Variants in PUM2 observed in about 807,000 individuals in gnomAD.
PUM2 encodes pumilio RNA binding family member 2, also known as pumilio homolog 2.
PUM2 carries 57 observed loss-of-function variants against 124.5 expected under a neutral mutation model. That is an observed-to-expected ratio of 0.46 (90% CI 0.37 to 0.57). The LOEUF (loss-of-function observed/expected upper bound fraction) is 0.57. Ranked by LOEUF, PUM2 falls within the 20% of genes least tolerant of loss-of-function variation. The pLI is 0.00. For missense variants in PUM2, 1,065 were observed against 1,290.6 expected, an observed-to-expected ratio of 0.83 and a Z score of 2.68; for synonymous variants, 460 against 446.1, an observed-to-expected ratio of 1.03 and a Z score of -0.39.
At chr2:20,331,684 T>C (rs1684955630) in intron 1 of PUM2, 2 of 152,146 alleles carry the variant, frequency 1.3e-5, no homozygotes, top group African/African-American at 4.8e-5. Context: ...CATGAATTTT[T>C]CTCAAGAGTC....
At chr2:20,258,147 G>T in intron 16 of PUM2, 96 bp downstream of exon 16, 1 of 1,154,158 alleles carries the variant, frequency 8.7e-7, no homozygotes, top group Non-Finnish European at 1.2e-6. Context: ...AAATATTTAA[G>T]TCTTTTCACT....
Position 20,251,426 on chromosome 2 carries a change from A to G in PUM2, c.*159T>C. The G allele has an allele frequency of 1.1e-6, 1 of 913,780 alleles. No individual in the cohort carries two copies. Among genetic ancestry groups the G allele is most frequent in the Non-Finnish European group, 1.6e-6 (1 of 632,760 alleles). 56.6% of individuals were successfully genotyped at this position (913,780 alleles called of 1,614,324 possible). A position where few individuals can be genotyped will look rare whatever the true frequency, so the allele number is the denominator to read the frequency against. ...ATCCCCCACCCCCCAAATATACACA[A>G]GAACCTTAAAAAATTTACAAATGGA... On this transcript the variant is annotated 3_prime_UTR_variant, in exon 21 of 21. Transcript: ENST00000361078.
chr2:20,280,767 A>C (rs1443620608), intron 12 of PUM2, among the ~76,000 whole-genome samples: 2 of 152,184 alleles, frequency 1.3e-5, no homozygotes, highest in Non-Finnish European at 2.9e-5. Flanking sequence ...TACCTAAAAT[A>C]TCTAAGAGGG....
At chr2:20,273,530 A>G (rs1465415672) in intron 13 of PUM2, among the ~76,000 whole-genome samples, 2 of 152,262 alleles carry the variant, frequency 1.3e-5, no homozygotes, top group African/African-American at 2.4e-5. Context: ...TTAGTAATCT[A>G]AAACAAGTAC....
chr2:20,339,543 G>A (rs1686819252), intron 1 of PUM2, among the ~76,000 whole-genome samples: 1 of 152,144 alleles, frequency 6.6e-6, no homozygotes, highest in Non-Finnish European at 1.5e-5. Flanking sequence ...GCAAAGCCCA[G>A]TTTGTAGATG....
intron 2 of PUM2, among the ~76,000 whole-genome samples, chr2:20,320,047 C>T (rs945519015): frequency 6.6e-6 from 1 of 152,118 alleles, no homozygotes; most frequent in African/African-American, 2.4e-5. Flanking sequence ...ACAGGTGGAT[C>T]ACGAGGTCAG....
intron 1 of PUM2, among the ~76,000 whole-genome samples, chr2:20,344,213 G>C (rs903268887): frequency 1.3e-5 from 2 of 152,036 alleles, no homozygotes; most frequent in African/African-American, 4.8e-5. Context: ...GACTACAGAC[G>C]CGAGCCACCA....
At chr2:20,272,345 C>T (rs1220014585) in intron 13 of PUM2, among the ~76,000 whole-genome samples, 2 of 152,136 alleles carry the variant, frequency 1.3e-5, no homozygotes, top group Admixed American at 1.3e-4. Flanking sequence ...TGTTTGTGTG[C>T]ATATGTGTAT....
At chr2:20,330,272 G>C (rs116557214) in intron 1 of PUM2, among the ~76,000 whole-genome samples, 2,082 of 152,216 alleles carry the variant, frequency 0.014, 16 homozygotes, top group Non-Finnish European at 0.022. Context: ...ACTGTAAAAC[G>C]TATTTTTGGC....
intron 13 of PUM2, among the ~76,000 whole-genome samples, chr2:20,263,980 C>A (rs887710636): frequency 4.0e-5 from 6 of 151,774 alleles, no homozygotes; most frequent in African/African-American, 1.5e-4. Context: ...CTTTAAAAAG[C>A]CACAATATTA....
At chr2:20,263,039 C>T (rs1408026054) in intron 14 of PUM2, among the ~76,000 whole-genome samples, 154 bp downstream of exon 14, 1 of 152,054 alleles carries the variant, frequency 6.6e-6, no homozygotes, top group East Asian at 1.9e-4. Flanking sequence ...TATAATTTAT[C>T]CTAACATGAA....
chr2:20,267,232 G>T (rs1667908113), intron 13 of PUM2, among the ~76,000 whole-genome samples: 1 of 151,894 alleles, frequency 6.6e-6, no homozygotes. Context: ...CACCATGTTG[G>T]CTAGGCTGGT....
chr2:20,280,377 T>C (rs1262697554), intron 12 of PUM2, among the ~76,000 whole-genome samples: 2 of 152,184 alleles, frequency 1.3e-5, no homozygotes, highest in African/African-American at 4.8e-5. Context: ...TAAGCACATG[T>C]AATAAACAGT....
intron 5 of PUM2, among the ~76,000 whole-genome samples, chr2:20,309,314 C>T (rs999711872): frequency 5.9e-5 from 9 of 151,710 alleles, no homozygotes; most frequent in African/African-American, 1.2e-4. Flanking sequence ...GAAAGCCCTC[C>T]GAAGACCATG....
intron 12 of PUM2, among the ~76,000 whole-genome samples, chr2:20,280,497 T>C (rs1446153160): frequency 1.4e-5 from 2 of 147,824 alleles, no homozygotes; most frequent in Non-Finnish European, 3.0e-5. Flanking sequence ...CATTTTAAAT[T>C]CCTATTTATT....
At chr2:20,253,033 A>G (rs540360872) in intron 20 of PUM2, among the ~76,000 whole-genome samples, 1 of 152,212 alleles carries the variant, frequency 6.6e-6, no homozygotes, top group Non-Finnish European at 1.5e-5. Context: ...GCTATTTTAT[A>G]TAAGGGACTT....
intron 2 of PUM2, among the ~76,000 whole-genome samples, chr2:20,326,657 G>C (rs572630674): frequency 3.9e-5 from 6 of 152,274 alleles, no homozygotes; most frequent in Admixed American, 3.3e-4. Flanking sequence ...GGTTAACTTT[G>C]GTGCTCCAAA....
At position 20,250,804 on chromosome 2, in the gene PUM2, A is replaced by G. The variant is rs185106612; in HGVS notation, c.*781T>C. 2.2e-4 allele frequency: 34 copies of G among 152,768 alleles called. No homozygotes were observed. The highest frequency in any genetic ancestry group is 7.8e-4 in the Admixed American group (12 of 15,306). The allele number at this position is 152,768 out of a possible 1,614,324, so 9.5% of individuals were successfully genotyped here. On this transcript the variant is annotated 3_prime_UTR_variant, in exon 21 of 21. Transcript: ENST00000361078. ...CATTGCAAACCAAACTGAAAAGTTA[A>G]TAAGTGACTTAACTTTTCATTTAGT... is the stretch of plus-strand genomic sequence containing the variant.
At chr2:20,264,353 AAAAAAAAAAAAAAAATAT>A (rs1415731888) in intron 13 of PUM2, among the ~76,000 whole-genome samples, 6 of 71,050 alleles carry the variant, frequency 8.4e-5, no homozygotes, top group South Asian at 5.1e-4. Context: ...AAAAAAAAAA[AAAAAAAAAAAAAAAATAT>A]ATATATATAT....
Sources: allele counts gnomAD v4.1 joint callset (sites outside exome capture counted in the v4.1 genomes callset), GRCh38; gene constraint gnomAD v4.1.1; transcripts MANE v1.5; gene names NCBI Gene and HGNC (gene_info 2026-07-23, HGNC 2026-07-21).